Variants in STRN observed in about 807,000 individuals in gnomAD.
STRN encodes protein phosphatase 2 regulatory subunit B'''alpha.
In STRN, 53 loss-of-function variants were observed where a neutral mutation model predicts 96.3. The observed-to-expected ratio is 0.55, with a 90% CI of 0.44 to 0.69. STRN has a LOEUF of 0.69. Among genes scored for constraint, STRN ranks in the 30% least tolerant of loss-of-function variants. The pLI is 0.00. For missense variants in STRN, 987 were observed against 963.9 expected (o/e 1.02, Z -0.32); for synonymous variants, 428 against 355.9 (o/e 1.20, Z -2.28).
chr2:36,913,195 T>C (rs1016604148), intron 3 of STRN, among the ~76,000 whole-genome samples: 1 of 152,142 alleles, frequency 6.6e-6, no homozygotes. Context: ...GTAAATCTCA[T>C]CATAAACCCC....
At chr2:36,939,037 G>A (rs1353189353) in intron 1 of STRN, among the ~76,000 whole-genome samples, 1 of 151,872 alleles carries the variant, frequency 6.6e-6, no homozygotes, top group East Asian at 1.9e-4. Flanking sequence ...CCAGGCTGGA[G>A]TGCAGTGGTG....
intron 2 of STRN, 152 bp downstream of exon 2, chr2:36,924,953 G>C: frequency 1.7e-6 from 1 of 604,590 alleles, no homozygotes; most frequent in East Asian, 3.1e-5. Context: ...CTACTGGGGA[G>C]GCTGAGGCAG....
In STRN at chr2:36,878,617, C is replaced by T. The variant is rs1668978532; in HGVS notation, c.1187-590G>A. 2.0e-5 allele frequency among the ~76,000 whole-genome samples: 3 copies of T among 152,036 alleles called. 1 individual carries two copies. The highest frequency in any genetic ancestry group is 4.1e-4 in the South Asian group (2 of 4,826). On this transcript the variant is annotated intron_variant, in intron 9 of 17. Transcript: ENST00000263918. Reference sequence around the variant, plus strand: ...GCCCTGGTAATGTTCTACTTGTTGACCTAAGGGGTGGTGACGTGGGAGGGT... The same window carrying T: ...GCCCTGGTAATGTTCTACTTGTTGATCTAAGGGGTGGTGACGTGGGAGGGT...
At chr2:36,888,381 G>C (rs1196864183) in intron 7 of STRN, among the ~76,000 whole-genome samples, 1 of 152,062 alleles carries the variant, frequency 6.6e-6, no homozygotes, top group Non-Finnish European at 1.5e-5. Context: ...CTCACCACTG[G>C]TCTACATGGC....
chr2:36,894,160 G>T, intron 6 of STRN, 127 bp from the exon 7 acceptor site: 1 of 1,040,484 alleles, frequency 9.6e-7, no homozygotes, highest in Non-Finnish European at 1.3e-6. Flanking sequence ...ACCTAACTCA[G>T]TGAAAATCAC....
intron 16 of STRN, 131 bp downstream of exon 16, chr2:36,850,869 C>T (rs1453467386): frequency 4.3e-5 from 25 of 578,822 alleles, no homozygotes; most frequent in Admixed American, 6.4e-5. Flanking sequence ...GAAACTGAGA[C>T]GGGAGAGTAT....
rs1558617238 is a variant in STRN at position 36,845,919 on chromosome 2, A to ACACACACACACACACACACGCATG, written c.*3536_*3537insCATGCGTGTGTGTGTGTGTGTGTG. On this transcript the variant is annotated 3_prime_UTR_variant, in exon 18 of 18. Transcript: ENST00000263918. ...CACACACACACACGCATGCATGCAC[A>ACACACACACACACACACACGCATG]CACACACACACACACACACACACAC... 39 of 27,604 alleles carry ACACACACACACACACACACGCATG rather than the reference A, an allele frequency of 1.4e-3. No individual in the cohort carries two copies. The highest frequency in any genetic ancestry group is 3.0e-3 in the African/African-American group (35 of 11,624). The allele number at this position is 27,604 out of a possible 1,614,324, so 1.7% of individuals were successfully genotyped here. A position where few individuals can be genotyped will look rare whatever the true frequency, so the allele number is the denominator to read the frequency against.
chr2:36,956,544 C>T lies in STRN; in HGVS notation c.234+9686G>A, dbSNP rs188142369. On this transcript the variant is annotated intron_variant, in intron 1 of 17. Coordinates refer to ENST00000263918, the MANE Select transcript of STRN (RefSeq NM_003162.4). ...CCAGAATTGAAACCTGGATGCTACA[C>T]ACATTAGCAAATCAAAAGTATAGCT... Among the ~76,000 whole-genome samples, 7 of 152,280 alleles carry T rather than the reference C, an allele frequency of 4.6e-5. No individual in the cohort carries two copies. The South Asian group carries it at 1.2e-3, about 27-fold the overall frequency.
At chr2:36,899,937 T>TGAC (rs1669640774) in intron 5 of STRN, among the ~76,000 whole-genome samples, 1 of 152,164 alleles carries the variant, frequency 6.6e-6, no homozygotes, top group Non-Finnish European at 1.5e-5. Flanking sequence ...TCACCCACGG[T>TGAC]AGAGTGCAGT....
chr2:36,872,950 C>A (rs984883946), intron 10 of STRN, among the ~76,000 whole-genome samples: 6 of 152,220 alleles, frequency 3.9e-5, no homozygotes, highest in Admixed American at 3.9e-4. Flanking sequence ...CGGCTGTTTT[C>A]CCCCAGATGC....
rs1375286414 is a variant in STRN, at chr2:36,849,915, T to G, written c.2087-115A>C. ...ATCCCTCTCTGTGTGCTTACTGTATTAATAGCTTTTTCCATCACCTAAAAC... is the reference window on the plus strand; with the variant it reads ...ATCCCTCTCTGTGTGCTTACTGTATGAATAGCTTTTTCCATCACCTAAAAC... On this transcript the variant is annotated intron_variant, in intron 16 of 17. Coordinates refer to ENST00000263918, the MANE Select transcript of STRN (RefSeq NM_003162.4). The G allele has an allele frequency of 7.1e-5, 68 of 961,488 alleles. 2 individuals are homozygous for G. In the South Asian group the frequency reaches 9.8e-4, roughly 14 times the overall value. 59.6% of individuals were successfully genotyped at this position (961,488 alleles called of 1,614,324 possible).
intron 4 of STRN, among the ~76,000 whole-genome samples, chr2:36,904,402 TG>T (rs1669764740): frequency 6.6e-6 from 1 of 152,158 alleles, no homozygotes; most frequent in South Asian, 2.1e-4. Flanking sequence ...GGCACAAATC[TG>T]AATATGAGTT....
chr2:36,908,983 C>A (rs1356975178), intron 3 of STRN, among the ~76,000 whole-genome samples: 2 of 120,884 alleles, frequency 1.7e-5, no homozygotes, highest in African/African-American at 7.5e-5. Context: ...TCTATCCCCA[C>A]CCCCAAACAC....
rs1668059098 is a variant in STRN, at chr2:36,845,911, GCATGCACACACACACACACACA to G, written c.*3523_*3544del. 4.0e-5 allele frequency: 1 copy of G among 25,224 alleles called. No individual in the cohort carries two copies. The highest frequency in any genetic ancestry group is 8.5e-5 in the Non-Finnish European group (1 of 11,820). The allele number at this position is 25,224 out of a possible 1,614,324, so 1.6% of individuals were successfully genotyped here. ...CACACACACACACACACACACGCAT[GCATGCACACACACACACACACA>G]CACACACACACACACACACTAACTC... is the stretch of plus-strand genomic sequence containing the variant. On this transcript the variant is annotated 3_prime_UTR_variant, in exon 18 of 18. Transcript: ENST00000263918.
chr2:36,921,917 G>GA (rs965502442), intron 2 of STRN, among the ~76,000 whole-genome samples: 16 of 148,590 alleles, frequency 1.1e-4, no homozygotes, highest in South Asian at 4.2e-4. Context: ...CCTGGACCAG[G>GA]AAAAAAAAAT....
intron 1 of STRN, among the ~76,000 whole-genome samples, chr2:36,949,226 G>A (rs113734391): frequency 2.0e-5 from 3 of 152,290 alleles, no homozygotes; most frequent in African/African-American, 7.2e-5. Context: ...TATGTAGCAG[G>A]CTATACCATC....
chr2:36,961,830 C>T (rs922390841), intron 1 of STRN, among the ~76,000 whole-genome samples: 9 of 152,182 alleles, frequency 5.9e-5, no homozygotes, highest in Non-Finnish European at 1.2e-4. Context: ...TTTGACATGA[C>T]TTCTTCCATT....
chr2:36,904,184 C>T (rs924952364), intron 4 of STRN, among the ~76,000 whole-genome samples: 6 of 152,182 alleles, frequency 3.9e-5, no homozygotes, highest in African/African-American at 1.4e-4. Context: ...AAAGTGTGGG[C>T]ATTAGTAAAA....
chr2:36,958,119 C>T (rs1664940967), intron 1 of STRN, among the ~76,000 whole-genome samples: 5 of 151,812 alleles, frequency 3.3e-5, no homozygotes, highest in Admixed American at 3.3e-4. Context: ...GGGGTTTCAC[C>T]ATGTTGGCCA....
Sources: allele counts gnomAD v4.1 joint callset (sites outside exome capture counted in the v4.1 genomes callset), GRCh38; gene constraint gnomAD v4.1.1; transcripts MANE v1.5; gene names NCBI Gene and HGNC (gene_info 2026-07-23, HGNC 2026-07-21).